The following NRG3 variants were observed in gnomAD, a reference collection of about 807,000 sequenced individuals.
NRG3 encodes pro-neuregulin-3, membrane-bound isoform.
In NRG3, 31 loss-of-function variants were observed where a neutral mutation model predicts 66.9. The ratio of observed to expected loss-of-function variants is 0.46; its 90% CI spans 0.35 to 0.63. The LOEUF is 0.63. Among genes scored for constraint, NRG3 ranks in the 20% least tolerant of loss-of-function variants. The pLI is 0.00. For missense variants in NRG3, 910 were observed against 878.9 expected (o/e 1.04, Z -0.45); for synonymous variants, 393 against 359.4 (o/e 1.09, Z -1.06).
chr10:82,673,728 G>T (rs991470938), intron 2 of NRG3, among the ~76,000 whole-genome samples: 1 of 152,198 alleles, frequency 6.6e-6, no homozygotes, highest in Non-Finnish European at 1.5e-5. Flanking sequence ...TTTCAGACAG[G>T]TTGAGTTTGA....
chr10:82,345,231 C>G (rs1247611328), intron 1 of NRG3, among the ~76,000 whole-genome samples: 6 of 138,758 alleles, frequency 4.3e-5, no homozygotes, highest in South Asian at 4.3e-4. Context: ...ATCTTGAATT[C>G]ATTTTTGTAT....
intron 1 of NRG3, among the ~76,000 whole-genome samples, chr10:81,948,581 G>C (rs1849054269): frequency 6.6e-6 from 1 of 152,180 alleles, no homozygotes; most frequent in Non-Finnish European, 1.5e-5. Flanking sequence ...GCAAGTTCTT[G>C]TGCTTTTTGT....
In NRG3 at chr10:82,108,517, C is replaced by T. The variant is rs546293528; in HGVS notation, c.823+232354C>T. Among the ~76,000 whole-genome samples, 6 of 152,284 alleles carry T rather than the reference C, an allele frequency of 3.9e-5. No individual in the cohort carries two copies. The East Asian group carries it at 1.2e-3, about 29-fold the overall frequency. ...ACCCTTCACTTCCTCTTTCCTTAGC[C>T]ATGAAGCTTTGCTAATTAAATTGAC... On this transcript the variant is annotated intron_variant, in intron 1 of 8. Transcript: ENST00000372141.
chr10:82,575,933 T>C (rs2133163459), intron 2 of NRG3, among the ~76,000 whole-genome samples: 1 of 151,868 alleles, frequency 6.6e-6, no homozygotes, highest in Non-Finnish European at 1.5e-5. Context: ...TTTCTGGGTC[T>C]CCGTATTCTT....
At chr10:82,402,678 C>T (rs2087198828) in intron 2 of NRG3, among the ~76,000 whole-genome samples, 1 of 152,072 alleles carries the variant, frequency 6.6e-6, no homozygotes, top group Non-Finnish European at 1.5e-5. Flanking sequence ...TCCTCTTTTA[C>T]CTAAATTTTA....
At chr10:81,969,386 C>T (rs1218862128) in intron 1 of NRG3, among the ~76,000 whole-genome samples, 5 of 152,320 alleles carry the variant, frequency 3.3e-5, no homozygotes, top group African/African-American at 1.2e-4. Flanking sequence ...ATCAATAGGT[C>T]CCCTGTGCCT....
At chr10:82,538,710 A>G (rs1489920998) in intron 2 of NRG3, among the ~76,000 whole-genome samples, 1 of 152,192 alleles carries the variant, frequency 6.6e-6, no homozygotes, top group East Asian at 1.9e-4. Context: ...CAGAAAAAAA[A>G]AATTGTTTTC....
intron 3 of NRG3, among the ~76,000 whole-genome samples, chr10:82,808,705 C>A (rs1006819201): frequency 2.6e-5 from 4 of 152,030 alleles, no homozygotes; most frequent in East Asian, 1.9e-4. Context: ...AAATCAAACC[C>A]GGAATTTAGA....
chr10:82,081,966 G>A (rs901047052), intron 1 of NRG3, among the ~76,000 whole-genome samples: 5 of 152,176 alleles, frequency 3.3e-5, no homozygotes, highest in Non-Finnish European at 7.3e-5. Context: ...GTCTAGCCTG[G>A]GCGACATAGC....
chr10:82,506,609 T>G (rs962583360), intron 2 of NRG3, among the ~76,000 whole-genome samples: 8 of 152,116 alleles, frequency 5.3e-5, no homozygotes, highest in African/African-American at 1.9e-4. Flanking sequence ...TCTCCTGTCT[T>G]TCTGTTTTCA....
chr10:82,216,243 A>G (rs76583902), intron 1 of NRG3, among the ~76,000 whole-genome samples: 17,357 of 151,304 alleles, frequency 0.11, 1,235 homozygotes, highest in Admixed American at 0.21. Flanking sequence ...GGCCTCCCAA[A>G]GTGCTGGGAT....
intron 4 of NRG3, among the ~76,000 whole-genome samples, chr10:82,922,713 G>T (rs1393331486): frequency 6.6e-6 from 1 of 152,130 alleles, no homozygotes; most frequent in African/African-American, 2.4e-5. Context: ...ACCCTGAAAG[G>T]TCTCCATAGT....
intron 4 of NRG3, among the ~76,000 whole-genome samples, chr10:82,912,826 T>G (rs1845453419): frequency 6.6e-6 from 1 of 152,206 alleles, no homozygotes; most frequent in Non-Finnish European, 1.5e-5. Context: ...AATTATGTTT[T>G]CTAGATATAT....
At chr10:82,898,897 G>A (rs924021964) in intron 4 of NRG3, among the ~76,000 whole-genome samples, 14 of 151,706 alleles carry the variant, frequency 9.2e-5, no homozygotes, top group Admixed American at 2.0e-4. Flanking sequence ...ATTTTTAGTA[G>A]AGACAAAGTT....
At chr10:82,766,100 C>T (rs1366655935) in intron 3 of NRG3, among the ~76,000 whole-genome samples, 2 of 152,118 alleles carry the variant, frequency 1.3e-5, no homozygotes, top group African/African-American at 4.8e-5. Flanking sequence ...AAATTAATCC[C>T]AAATGCAAAA....
At chr10:82,448,617 T>A (rs185654977) in intron 2 of NRG3, among the ~76,000 whole-genome samples, 1 of 152,326 alleles carries the variant, frequency 6.6e-6, no homozygotes, top group Admixed American at 6.5e-5. Context: ...CACAAATGGC[T>A]GCTTCTTTCC....
intron 1 of NRG3, among the ~76,000 whole-genome samples, chr10:81,918,825 C>CAAAAAAAA (rs754495264): frequency 6.9e-6 from 1 of 145,096 alleles, no homozygotes; most frequent in Non-Finnish European, 1.5e-5. Flanking sequence ...TTGCAAAAAA[C>CAAAAAAAA]AAAAACAAAC....
At chr10:82,525,509 A>G (rs148502162) in intron 2 of NRG3, among the ~76,000 whole-genome samples, 20 of 152,058 alleles carry the variant, frequency 1.3e-4, no homozygotes, top group Non-Finnish European at 2.5e-4. Flanking sequence ...TGAATTTATG[A>G]TAACTTTTGA....
At chr10:82,781,878 C>T (rs571513769) in intron 3 of NRG3, among the ~76,000 whole-genome samples, 2 of 151,708 alleles carry the variant, frequency 1.3e-5, no homozygotes, top group Non-Finnish European at 2.9e-5. Flanking sequence ...AAAATGGGTC[C>T]ATCAGGACCA....
Sources: allele counts gnomAD v4.1 joint callset (sites outside exome capture counted in the v4.1 genomes callset), GRCh38; gene constraint gnomAD v4.1.1; transcripts MANE v1.5; gene names NCBI Gene and HGNC (gene_info 2026-07-23, HGNC 2026-07-21).